The following PAG1 variants were observed in gnomAD, a reference collection of about 807,000 sequenced individuals.
PAG1 encodes the protein phosphoprotein membrane anchor with glycosphingolipid microdomains 1.
In PAG1, 23 loss-of-function variants were observed where a neutral mutation model predicts 31.7. The ratio of observed to expected loss-of-function variants is 0.73; its 90% CI spans 0.52 to 1.03. The LOEUF is 1.03. PAG1 is among the 50% of genes least tolerant of loss of function. PAG1 has a pLI of 0.00. For synonymous variants in PAG1, 214 were observed against 210.3 expected, an observed-to-expected ratio of 1.02 and a Z score of -0.15; for missense variants, 473 against 540.7, an observed-to-expected ratio of 0.87 and a Z score of 1.24.
chr8:80,994,990 GCA>G (rs1480295421), intron 3 of PAG1, among the ~76,000 whole-genome samples: 1 of 152,194 alleles, frequency 6.6e-6, no homozygotes, highest in African/African-American at 2.4e-5. Flanking sequence ...CCATCCCTGA[GCA>G]CAGACATCAA....
intron 3 of PAG1, among the ~76,000 whole-genome samples, chr8:81,017,054 G>A (rs1808084708): frequency 6.6e-6 from 1 of 152,018 alleles, no homozygotes; most frequent in Non-Finnish European, 1.5e-5. Context: ...AGTGAACCTG[G>A]CCAAGACGAG....
chr8:81,003,238 T>C (rs1029790274), intron 3 of PAG1, among the ~76,000 whole-genome samples: 7 of 152,194 alleles, frequency 4.6e-5, no homozygotes, highest in African/African-American at 1.4e-4. Flanking sequence ...TATATGGTGA[T>C]CTGGGATCTT....
chr8:81,038,329 C>T (rs1808495860), intron 2 of PAG1, among the ~76,000 whole-genome samples: 1 of 152,078 alleles, frequency 6.6e-6, no homozygotes, highest in Admixed American at 6.6e-5. Context: ...GTCCCAGCCA[C>T]GGGGTAACTT....
chr8:80,985,105 T>C lies in PAG1; in HGVS notation c.547A>G (p.Thr183Ala). The C allele has an allele frequency of 6.2e-7, 1 of 1,614,090 alleles. No homozygotes were observed. The highest frequency in any genetic ancestry group is 8.5e-7 in the Non-Finnish European group (1 of 1,180,018). The change falls in exon 7 of 9, where the codon ACT (threonine) becomes GCT (alanine). Residue 183 changes from threonine (T) to alanine (A), a missense_variant. By Grantham distance (58) the Thr-to-Ala change is moderately conservative. Transcript: ENST00000220597. ...ENMVEDCLYETVKEIKEVAAA... is the reference protein window; with the variant it reads ...ENMVEDCLYEAVKEIKEVAAA... ...GCCACCTCCTTGATCTCTTTCACAG[T>C]TTCATACAAGCAGTCCTCCACCATG...
At chr8:81,014,973 AC>A (rs1417936312) in intron 3 of PAG1, among the ~76,000 whole-genome samples, 1 of 152,110 alleles carries the variant, frequency 6.6e-6, no homozygotes, top group East Asian at 1.9e-4. Context: ...TCATTTAAGG[AC>A]TTAGAAGTTC....
At chr8:81,005,605 G>T (rs931098151) in intron 3 of PAG1, among the ~76,000 whole-genome samples, 3 of 152,212 alleles carry the variant, frequency 2.0e-5, no homozygotes, top group African/African-American at 7.2e-5. Flanking sequence ...AGGGTCTCTA[G>T]TAGAGACACA....
chr8:81,065,310 T>G (rs76027778), intron 2 of PAG1, among the ~76,000 whole-genome samples: 1 of 152,220 alleles, frequency 6.6e-6, no homozygotes, highest in Non-Finnish European at 1.5e-5. Flanking sequence ...TTTTTTTCTC[T>G]TTTCACTTCC....
Position 80,980,491 on chromosome 8 carries a change from ATC to A in PAG1, c.878_879del (p.Arg293IlefsTer2). 1 of 1,596,184 alleles carries A rather than the reference ATC, an allele frequency of 6.3e-7. No individual in the cohort carries two copies. Among genetic ancestry groups the A allele is most frequent in the Non-Finnish European group, 8.6e-7 (1 of 1,163,868 alleles). ...ATDTTSETNK[R>X]FSSLSYKSRE... ...CGAGACTTGTATGACAATGAGCTAA[ATC>A]TCTGTCAGAACAAACACAAGCCAAG... On this transcript the variant is annotated frameshift_variant and splice_region_variant, in exon 8 of 9. Transcript: ENST00000220597. LOFTEE classifies it high-confidence loss of function.
rs544813510 is a variant in PAG1 at position 81,078,536 on chromosome 8, C to A, written c.-233-8366G>T. The stretch of plus-strand genomic sequence containing the variant: ...TTTCTTTGGAAAAGAGACACATTTT[C>A]TTTGGAGAAAACACACATTGACAAG... On this transcript the variant is annotated intron_variant, in intron 1 of 8. Transcript: ENST00000220597. 1.4e-3 allele frequency among the ~76,000 whole-genome samples: 218 copies of A among 152,264 alleles called. 1 individual carries two copies. The highest frequency in any genetic ancestry group is 2.6e-3 in the Non-Finnish European group (180 of 67,992).
intron 2 of PAG1, among the ~76,000 whole-genome samples, chr8:81,065,947 T>C (rs972887647): frequency 6.6e-6 from 1 of 152,150 alleles, no homozygotes; most frequent in Non-Finnish European, 1.5e-5. Context: ...AGCTGTTACA[T>C]GTACTATAAC....
chr8:81,066,379 G>C (rs1809007259), intron 2 of PAG1, among the ~76,000 whole-genome samples: 1 of 152,162 alleles, frequency 6.6e-6, no homozygotes, highest in Non-Finnish European at 1.5e-5. Flanking sequence ...ATGGATTTTT[G>C]AGTGTTACAA....
At chr8:81,031,926 G>A (rs1808383034) in intron 2 of PAG1, among the ~76,000 whole-genome samples, 1 of 152,218 alleles carries the variant, frequency 6.6e-6, no homozygotes, top group Admixed American at 6.5e-5. Context: ...TATATGGCCA[G>A]TTGAGTTTTT....
chr8:81,080,400 TTAAGA>T (rs1809246213), intron 1 of PAG1, among the ~76,000 whole-genome samples: 1 of 152,132 alleles, frequency 6.6e-6, no homozygotes, highest in Non-Finnish European at 1.5e-5. Flanking sequence ...ACCCAAATTA[TTAAGA>T]TAAAAGGTAA....
intron 1 of PAG1, among the ~76,000 whole-genome samples, chr8:81,102,268 T>G (rs1563431423): frequency 6.6e-6 from 1 of 152,178 alleles, no homozygotes; most frequent in African/African-American, 2.4e-5. Context: ...ATGCACCATG[T>G]GTAGTGATAA....
chr8:81,085,972 G>GTTTTTTT lies in PAG1; in HGVS notation c.-233-15809_-233-15803dup, dbSNP rs869177030. On this transcript the variant is annotated intron_variant, in intron 1 of 8. Coordinates refer to ENST00000220597, the MANE Select transcript of PAG1 (RefSeq NM_018440.4). ...AGTAGTTACGCTTTTAATCTGGCTT[G>GTTTTTTT]TTTTTTTTTTTTTTTTTTTTTTTTT... 2.3e-3 allele frequency among the ~76,000 whole-genome samples: 136 copies of GTTTTTTT among 58,908 alleles called. 30 individuals are homozygous for GTTTTTTT. The highest frequency in any genetic ancestry group is 5.5e-3 in the African/African-American group (76 of 13,786). The allele number at this position is 58,908 out of a possible 152,430, so 38.6% of individuals were successfully genotyped here.
chr8:81,032,913 G>T (rs532512710), intron 2 of PAG1, among the ~76,000 whole-genome samples: 1 of 152,254 alleles, frequency 6.6e-6, no homozygotes, highest in African/African-American at 2.4e-5. Flanking sequence ...ACTGGTACAT[G>T]TTACAACATG....
intron 3 of PAG1, 147 bp from the exon 4 acceptor site, chr8:80,993,454 T>C: frequency 2.1e-6 from 1 of 479,934 alleles, no homozygotes; most frequent in East Asian, 3.4e-5. Flanking sequence ...GGACTTGAAA[T>C]TGGACTCTGG....
chr8:81,059,778 C>T (rs7832469), intron 2 of PAG1, among the ~76,000 whole-genome samples: 30,871 of 151,970 alleles, frequency 0.2, 4,305 homozygotes, highest in African/African-American at 0.4. Flanking sequence ...GTAATCCCAG[C>T]ACTTTGGGAG....
intron 2 of PAG1, among the ~76,000 whole-genome samples, chr8:81,043,620 A>G (rs1808591728): frequency 1.3e-5 from 2 of 152,192 alleles, no homozygotes; most frequent in Admixed American, 1.3e-4. Context: ...TATTTAGATT[A>G]TTTTTGGTTT....
Sources: allele counts gnomAD v4.1 joint callset (sites outside exome capture counted in the v4.1 genomes callset), GRCh38; gene constraint gnomAD v4.1.1; transcripts MANE v1.5; gene names NCBI Gene and HGNC (gene_info 2026-07-23, HGNC 2026-07-21).